The following TOX2 variants were observed in gnomAD, a reference collection of about 807,000 sequenced individuals.
The protein encoded by TOX2 is granulosa cell HMG box 1.
In TOX2, 15 loss-of-function variants were observed where a neutral mutation model predicts 47.4. The ratio of observed to expected loss-of-function variants is 0.32; its 90% CI spans 0.21 to 0.49. The LOEUF (loss-of-function observed/expected upper bound fraction) is 0.49, where lower values mean the gene tolerates loss of function less well. Among genes scored for constraint, TOX2 ranks in the 20% least tolerant of loss-of-function variants. The pLI is 0.99. For synonymous variants in TOX2, 290 were observed against 296.6 expected (o/e 0.98, Z 0.23); for missense variants, 622 against 673.1 (o/e 0.92, Z 0.84).
At chr20:44,042,099 C>G (rs2071340343) in intron 3 of TOX2, among the ~76,000 whole-genome samples, 1 of 152,224 alleles carries the variant, frequency 6.6e-6, no homozygotes, top group African/African-American at 2.4e-5. Context: ...CACAGTTCCA[C>G]AGGGCTGGGG....
At chr20:43,943,862 G>GATTT (rs3037470) in intron 1 of TOX2, among the ~76,000 whole-genome samples, 133,327 of 151,924 alleles carry the variant, frequency 0.88, 58,655 homozygotes, top group East Asian at 0.99. Context: ...GGAGAGCCAT[G>GATTT]ATTTATCCAA....
At chr20:43,977,259 C>T (rs1569055090) in intron 2 of TOX2, among the ~76,000 whole-genome samples, 1 of 152,208 alleles carries the variant, frequency 6.6e-6, no homozygotes, top group African/African-American at 2.4e-5. Flanking sequence ...CCTGCCACCA[C>T]ACCCAGCTGA....
intron 1 of TOX2, among the ~76,000 whole-genome samples, chr20:43,917,585 C>T (rs930477243): frequency 6.6e-6 from 1 of 152,164 alleles, no homozygotes; most frequent in African/African-American, 2.4e-5. Context: ...GGGCAGTTGA[C>T]CTGGAAGGGC....
chr20:43,952,091 TG>T (rs1173441945), intron 1 of TOX2, among the ~76,000 whole-genome samples: 1 of 151,352 alleles, frequency 6.6e-6, no homozygotes, highest in Non-Finnish European at 1.5e-5. Flanking sequence ...TTAGTAGAGA[TG>T]GGGTTTCACC....
At chr20:43,926,133 A>G (rs1291439882) in intron 1 of TOX2, among the ~76,000 whole-genome samples, 1 of 152,222 alleles carries the variant, frequency 6.6e-6, no homozygotes, top group East Asian at 1.9e-4. Context: ...AATGCCACGC[A>G]TATATTTTAT....
chr20:44,062,404 A>G (rs8116964), intron 5 of TOX2, among the ~76,000 whole-genome samples: 3,392 of 145,096 alleles, frequency 0.023, 63 homozygotes, highest in Middle Eastern at 0.055. Flanking sequence ...ATAAATAAAT[A>G]AATGAATAAA....
intron 3 of TOX2, among the ~76,000 whole-genome samples, chr20:44,021,465 G>A (rs2070974530): frequency 6.6e-6 from 1 of 152,126 alleles, no homozygotes; most frequent in African/African-American, 2.4e-5. Flanking sequence ...TCCTTTGGGA[G>A]CCCCAGACCT....
chr20:44,045,918 C>T (rs1021481330), intron 3 of TOX2, among the ~76,000 whole-genome samples: 4 of 152,158 alleles, frequency 2.6e-5, no homozygotes, highest in Non-Finnish European at 4.4e-5. Context: ...GGAGCTAATG[C>T]CAGATTCTTG....
chr20:44,011,221 G>A (rs2070773676), intron 3 of TOX2, among the ~76,000 whole-genome samples: 1 of 152,128 alleles, frequency 6.6e-6, no homozygotes, highest in Non-Finnish European at 1.5e-5. Context: ...AGGTTCCAAG[G>A]ATTAGGACCT....
chr20:44,066,582 C>G (rs1239102761), intron 7 of TOX2, 148 bp from the exon 8 acceptor site: 1 of 1,221,058 alleles, frequency 8.2e-7, no homozygotes, highest in Non-Finnish European at 1.2e-6. Flanking sequence ...TTGAAAGGTG[C>G]TCTACTGGGA....
chr20:43,951,518 A>G (rs2069566089), intron 1 of TOX2, among the ~76,000 whole-genome samples: 2 of 152,006 alleles, frequency 1.3e-5, no homozygotes, highest in African/African-American at 4.8e-5. Context: ...CGGAGGTTGC[A>G]GTGAGCTGAG....
At chr20:44,048,906 G>T (rs947413874) in intron 3 of TOX2, among the ~76,000 whole-genome samples, 3 of 152,228 alleles carry the variant, frequency 2.0e-5, no homozygotes, top group Non-Finnish European at 4.4e-5. Flanking sequence ...GCGGGCCGAG[G>T]TGGGCAGATC....
In TOX2 at chr20:44,006,537, G is replaced by A. The variant is rs756623748; in HGVS notation, c.166-10G>A. Reference sequence around the variant, plus strand: ...CTGACCCCCACCGACATGTCTTTTTGATGTTTTAGACCTACAACGGCCAGA... The same window carrying A: ...CTGACCCCCACCGACATGTCTTTTTAATGTTTTAGACCTACAACGGCCAGA... On this transcript the variant is annotated splice_polypyrimidine_tract_variant and intron_variant, in intron 2 of 8. Transcript: ENST00000341197. 2 of 1,604,306 alleles carry A rather than the reference G, an allele frequency of 1.2e-6. No individual in the cohort carries two copies. Among genetic ancestry groups the A allele is most frequent in the Admixed American group, 3.4e-5 (2 of 59,354 alleles).
At chr20:43,988,118 C>T (rs1446281724) in intron 2 of TOX2, among the ~76,000 whole-genome samples, 1 of 152,008 alleles carries the variant, frequency 6.6e-6, no homozygotes, top group Non-Finnish European at 1.5e-5. Context: ...CGGGGCTTTA[C>T]CATGTTGGCC....
chr20:43,947,929 G>A (rs1216978713), intron 1 of TOX2, among the ~76,000 whole-genome samples: 2 of 152,160 alleles, frequency 1.3e-5, no homozygotes, highest in African/African-American at 4.8e-5. Flanking sequence ...CCTCACACAT[G>A]CTCCCTGCCT....
intron 3 of TOX2, among the ~76,000 whole-genome samples, chr20:44,007,004 T>G (rs2070696462): frequency 6.6e-6 from 1 of 152,144 alleles, no homozygotes; most frequent in African/African-American, 2.4e-5. Flanking sequence ...GAGAGAAATC[T>G]AATATCAGCA....
intron 2 of TOX2, among the ~76,000 whole-genome samples, chr20:43,993,492 C>T (rs1247317563): frequency 6.6e-6 from 1 of 152,036 alleles, no homozygotes; most frequent in Non-Finnish European, 1.5e-5. Context: ...TTGAACATCT[C>T]TCCCAGGTAC....
intron 1 of TOX2, among the ~76,000 whole-genome samples, chr20:43,933,454 G>A (rs932711778): frequency 2.0e-5 from 3 of 152,198 alleles, no homozygotes; most frequent in South Asian, 2.1e-4. Context: ...GGTCTGGGGC[G>A]GGTCCAGAGA....
chr20:44,029,417 T>C (rs183445000), intron 3 of TOX2, among the ~76,000 whole-genome samples: 148 of 152,214 alleles, frequency 9.7e-4, no homozygotes, highest in African/African-American at 3.5e-3. Context: ...AGCTCAAACT[T>C]TGGGGTCAGA....
Sources: allele counts gnomAD v4.1 joint callset (sites outside exome capture counted in the v4.1 genomes callset), GRCh38; gene constraint gnomAD v4.1.1; transcripts MANE v1.5; gene names NCBI Gene and HGNC (gene_info 2026-07-23, HGNC 2026-07-21).